PCLO: variants seen among roughly 807,000 people sequenced by gnomAD.
The protein encoded by PCLO is protein piccolo.
PCLO carries 82 observed loss-of-function variants against 427.5 expected under a neutral mutation model. The ratio of observed to expected loss-of-function variants is 0.19; its 90% CI spans 0.16 to 0.23. The LOEUF is 0.23. Among genes scored for constraint, PCLO ranks in the 10% least tolerant of loss-of-function variants. The pLI is 1.00. For synonymous variants in PCLO, 2,357 were observed against 2,155.4 expected (o/e 1.09, Z -2.59); for missense variants, 6,239 against 6,115.9 (o/e 1.02, Z -0.67).
chr7:83,107,568 G>T (rs1314852256), intron 3 of PCLO, among the ~76,000 whole-genome samples: 1 of 151,620 alleles, frequency 6.6e-6, no homozygotes, highest in Non-Finnish European at 1.5e-5. Context: ...GATATACTCA[G>T]TTGAGTTTAT....
chr7:82,970,648 C>A (rs1795882197), intron 3 of PCLO, among the ~76,000 whole-genome samples: 1 of 151,630 alleles, frequency 6.6e-6, no homozygotes, highest in Non-Finnish European at 1.5e-5. Flanking sequence ...GTTATAATGT[C>A]AATAAGAGTT....
Position 83,093,491 on chromosome 7 carries a change from TA to T in PCLO, c.3300+40758del, listed in dbSNP as rs201988879. 4.8e-3 allele frequency among the ~76,000 whole-genome samples: 384 copies of T among 80,592 alleles called. 25 individuals carry two copies. Among genetic ancestry groups the T allele is most frequent in the African/African-American group, 0.014 (301 of 21,674 alleles). 52.9% of individuals were successfully genotyped at this position (80,592 alleles called of 152,430 possible). ...GTGTGTGTATAGATATATATATATA[TA>T]TTTTTTTTTTTTTTTTTTGAGATGG... On this transcript the variant is annotated intron_variant, in intron 3 of 24. Transcript: ENST00000333891.
intron 3 of PCLO, among the ~76,000 whole-genome samples, chr7:82,988,067 CTA>C (rs998802871): frequency 6.6e-6 from 1 of 151,960 alleles, no homozygotes; most frequent in African/African-American, 2.4e-5. Context: ...TTTTTCTATA[CTA>C]TTAAATAGTT....
At position 82,915,472 on chromosome 7, in the gene PCLO, C is replaced by T. The variant is rs767425921; in HGVS notation, c.12514G>A (p.Glu4172Lys). 3 of 1,613,650 alleles carry T rather than the reference C, an allele frequency of 1.9e-6. No homozygotes were observed. In the South Asian group the frequency reaches 3.3e-5, roughly 18 times the overall value. Residue 4172 changes from glutamate (E) to lysine (K), a missense_variant, in exon 7 of 25, where the codon GAA becomes AAA. Physicochemically the swap from Glu to Lys is moderately conservative, Grantham distance 56 (BLOSUM62 1). This residue lies in a region of PCLO where 680 missense variants were observed against 677.3 expected (regional missense o/e 1.00). Transcript: ENST00000333891. Reference sequence around the variant, plus strand: ...GGCAGTTGTTTTGCTGCTTGTTTTTCAAGTGTGAGTCTACTGATGCTATAC... The same window carrying T: ...GGCAGTTGTTTTGCTGCTTGTTTTTTAAGTGTGAGTCTACTGATGCTATAC... ...EKYSISRLTL[E>K]KQAAKQLPAA...
chr7:82,784,429 G>A (rs967324564), intron 22 of PCLO, among the ~76,000 whole-genome samples: 7 of 152,006 alleles, frequency 4.6e-5, no homozygotes, highest in Non-Finnish European at 8.8e-5. Context: ...AGGCCTTTCC[G>A]GATAATATTA....
At chr7:83,042,227 C>G (rs1788989673) in intron 3 of PCLO, among the ~76,000 whole-genome samples, 1 of 152,072 alleles carries the variant, frequency 6.6e-6, no homozygotes, top group Non-Finnish European at 1.5e-5. Flanking sequence ...TATTTTCAAG[C>G]ATCTTTCAAT....
At chr7:82,889,330 C>T (rs1793704179) in intron 9 of PCLO, among the ~76,000 whole-genome samples, 1 of 152,014 alleles carries the variant, frequency 6.6e-6, no homozygotes, top group African/African-American at 2.4e-5. Flanking sequence ...CCCTCACCAC[C>T]AGGATGCTTA....
intron 9 of PCLO, among the ~76,000 whole-genome samples, chr7:82,892,899 G>C (rs1793805768): frequency 1.3e-5 from 2 of 152,134 alleles, no homozygotes; most frequent in South Asian, 4.1e-4. Context: ...AGTTAGAATG[G>C]CAATCATTAA....
chr7:82,821,008 G>T, intron 20 of PCLO: 1 of 1,218,878 alleles, frequency 8.2e-7, no homozygotes, highest in East Asian at 3.3e-5. Flanking sequence ...ACATTAAAAA[G>T]TGGATAAACA....
chr7:82,776,474 C>G (rs1737518095), intron 22 of PCLO, among the ~76,000 whole-genome samples: 1 of 151,854 alleles, frequency 6.6e-6, no homozygotes, highest in South Asian at 2.1e-4. Context: ...AAAATCTATC[C>G]AATATGTAAA....
intron 6 of PCLO, among the ~76,000 whole-genome samples, chr7:82,918,800 C>T (rs139977787): frequency 8.6e-5 from 13 of 152,024 alleles, no homozygotes; most frequent in Non-Finnish European, 1.5e-4. Flanking sequence ...GTGTTACTCA[C>T]GACCGTGATG....
chr7:83,012,814 A>T (rs1206927434), intron 3 of PCLO, among the ~76,000 whole-genome samples: 1 of 152,118 alleles, frequency 6.6e-6, no homozygotes, highest in Non-Finnish European at 1.5e-5. Flanking sequence ...AAACCTCTAG[A>T]TTAAACTCTA....
chr7:82,827,522 GAA>G (rs1391366035), intron 17 of PCLO, among the ~76,000 whole-genome samples: 1 of 152,102 alleles, frequency 6.6e-6, no homozygotes, highest in South Asian at 2.1e-4. Flanking sequence ...TATTGTGTAT[GAA>G]AGTCAAAATA....
intron 22 of PCLO, among the ~76,000 whole-genome samples, chr7:82,797,764 T>C (rs936093556): frequency 6.6e-6 from 1 of 152,140 alleles, no homozygotes; most frequent in African/African-American, 2.4e-5. Context: ...CAACTTAGGT[T>C]GAATCCCAGA....
At chr7:82,962,825 C>T (rs575223245) in intron 4 of PCLO, among the ~76,000 whole-genome samples, 9 of 151,968 alleles carry the variant, frequency 5.9e-5, no homozygotes, top group African/African-American at 2.2e-4. Context: ...CAGACTGCCT[C>T]AAGATATTAC....
intron 9 of PCLO, among the ~76,000 whole-genome samples, chr7:82,881,908 T>C (rs1161425809): frequency 2.6e-5 from 4 of 152,134 alleles, no homozygotes; most frequent in Non-Finnish European, 5.9e-5. Context: ...CTTCCAAAAG[T>C]TCTGGGATTA....
Position 82,845,253 on chromosome 7 carries a change from C to T in PCLO, c.14046+18G>A. On this transcript the variant is annotated intron_variant, in intron 13 of 24. Transcript: ENST00000333891. ...GCTAGAAAACAAGTGGGTCAGAGGT[C>T]ACATCAACAATCCTCACCTTGCTGC... The T allele has an allele frequency of 6.3e-7, 1 of 1,582,846 alleles. No individual in the cohort carries two copies.
intron 10 of PCLO, chr7:82,868,295 T>C (rs978375852): frequency 4.5e-6 from 2 of 441,506 alleles, no homozygotes; most frequent in African/African-American, 2.0e-5. Context: ...TGTCCTCTAG[T>C]AATGCTACTG....
At chr7:82,858,542 T>C in intron 10 of PCLO, among the ~76,000 whole-genome samples, 1 of 152,130 alleles carries the variant, frequency 6.6e-6, no homozygotes, top group Non-Finnish European at 1.5e-5. Flanking sequence ...CGATGTTATA[T>C]ATGGAAAACA....
Sources: allele counts gnomAD v4.1 joint callset (sites outside exome capture counted in the v4.1 genomes callset), GRCh38; gene constraint gnomAD v4.1.1; regional missense constraint gnomAD v4.1.1; transcripts MANE v1.5; gene names NCBI Gene and HGNC (gene_info 2026-07-23, HGNC 2026-07-21).